The following GCNT1 variants were observed in gnomAD, a reference collection of about 807,000 sequenced individuals.
The protein encoded by GCNT1 is glucosaminyl (N-acetyl) transferase 1.
In GCNT1, 16 loss-of-function variants were observed where a neutral mutation model predicts 26.2. The observed-to-expected ratio is 0.61, with a 90% CI of 0.41 to 0.93. The LOEUF is 0.93. GCNT1 is among the 40% of genes least tolerant of loss of function. GCNT1 has a pLI of 0.00. For missense variants in GCNT1, 477 were observed against 526.7 expected, an observed-to-expected ratio of 0.91 and a Z score of 0.92; for synonymous variants, 183 against 190.8, an observed-to-expected ratio of 0.96 and a Z score of 0.34.
chr9:76,503,207 CCT>C lies in GCNT1; in HGVS notation c.828_829del (p.Pro277ThrfsTer16). The part of the protein sequence containing the change: ...LTNTGTVKML[P>X]PLETPLFSGS... ...AAACACAGGGACTGTCAAAATGCTT[CCT>C]CCACTCGAAACACCTCTCTTTTCTG... On this transcript the variant is annotated frameshift_variant, in exon 4 of 4. Transcript: ENST00000376730. LOFTEE classifies it high-confidence loss of function. The C allele has an allele frequency of 6.2e-7, 1 of 1,614,134 alleles. No individual in the cohort carries two copies. Among genetic ancestry groups the C allele is most frequent in the Non-Finnish European group, 8.5e-7 (1 of 1,179,990 alleles).
intron 2 of GCNT1, among the ~76,000 whole-genome samples, chr9:76,490,852 T>C (rs1463295506): frequency 6.6e-6 from 1 of 152,258 alleles, no homozygotes; most frequent in African/African-American, 2.4e-5. Context: ...CTTTGTATGA[T>C]AATTAGTTAA....
At chr9:76,398,724 A>G in the GCNT1 span, 15 of 1,311,726 alleles carry the variant, frequency 1.1e-5, no homozygotes, top group Admixed American at 1.7e-5. Flanking sequence ...GATGTCCTGC[A>G]AATGAAGGAG....
In GCNT1 at chr9:76,423,753, A is replaced by G. The variant is rs183230146; in HGVS notation, n.38+3866A>G. ...TTCTAGGAATAATATAAGCTATGAC[A>G]TAGTTTGATGAAATCCATAGAAGTG... On this transcript the variant is annotated intron_variant and non_coding_transcript_variant, in intron 1 of 3. Transcript: ENST00000488136. Among the ~76,000 whole-genome samples, 7 of 152,378 alleles carry G rather than the reference A, an allele frequency of 4.6e-5. No individual in the cohort carries two copies. The East Asian group carries it at 1.2e-3, about 25-fold the overall frequency.
intron 2 of GCNT1, among the ~76,000 whole-genome samples, chr9:76,475,372 G>A (rs1435387187): frequency 6.6e-6 from 1 of 152,152 alleles, no homozygotes; most frequent in East Asian, 1.9e-4. Context: ...AAGAGAATCT[G>A]TAACATTCAT....
In GCNT1 at chr9:76,502,308, C is replaced by T. The variant is rs943071991; in HGVS notation, c.-74C>T. ...AAACTGACAACCTTCAAGGCCACGA[C>T]GGAGGGAAAATCATTGGTGCTTGGA... On this transcript the variant is annotated 5_prime_UTR_variant, in exon 4 of 4. In the 5' UTR this introduces an upstream ATG that the reference lacks. Transcript: ENST00000376730. 9.2e-5 allele frequency: 96 copies of T among 1,047,732 alleles called. No individual in the cohort carries two copies. Among genetic ancestry groups the T allele is most frequent in the Non-Finnish European group, 1.2e-4 (83 of 707,212 alleles). The allele number at this position is 1,047,732 out of a possible 1,614,324, so 64.9% of individuals were successfully genotyped here.
intron 2 of GCNT1, among the ~76,000 whole-genome samples, chr9:76,465,252 A>C (rs1048543545): frequency 6.6e-6 from 1 of 151,062 alleles, no homozygotes; most frequent in African/African-American, 2.4e-5. Flanking sequence ...CTCTGCCCCA[A>C]GTAGCTGGAA....
intron 1 of GCNT1, among the ~76,000 whole-genome samples, chr9:76,442,980 A>C (rs1438540680): frequency 6.6e-6 from 1 of 152,132 alleles, no homozygotes; most frequent in African/African-American, 2.4e-5. Context: ...CATGAGAGGA[A>C]GCAGGAGATG....
chr9:76,466,325 A>G (rs1823993459), intron 2 of GCNT1, among the ~76,000 whole-genome samples: 1 of 152,204 alleles, frequency 6.6e-6, no homozygotes, highest in Admixed American at 6.5e-5. Flanking sequence ...TGTTTTTGAC[A>G]GGATCTCTCT....
chr9:76,486,718 A>G (rs1824586173), intron 2 of GCNT1, among the ~76,000 whole-genome samples: 1 of 152,340 alleles, frequency 6.6e-6, no homozygotes, highest in African/African-American at 2.4e-5. Flanking sequence ...GCTTTTAGAT[A>G]TCTTCAGTTC....
intron 2 of GCNT1, among the ~76,000 whole-genome samples, chr9:76,467,106 G>C (rs889225905): frequency 2.0e-5 from 3 of 151,366 alleles, no homozygotes; most frequent in Admixed American, 6.6e-5. Context: ...GCAGTGGCAC[G>C]ATCTCAGCTC....
intron 1 of GCNT1, among the ~76,000 whole-genome samples, chr9:76,452,222 G>C (rs1254807559): frequency 1.3e-5 from 2 of 151,950 alleles, no homozygotes; most frequent in Non-Finnish European, 2.9e-5. Context: ...ACCCACCTTG[G>C]CCTCCCAAAG....
chr9:76,411,697 C>T, the GCNT1 span, among the ~76,000 whole-genome samples: 3 of 83,654 alleles, frequency 3.6e-5, no homozygotes, highest in African/African-American at 1.5e-4. Context: ...ATCAATTATA[C>T]TTTTTTTTTT....
At chr9:76,434,186 C>T (rs1414882883) in intron 1 of GCNT1, among the ~76,000 whole-genome samples, 3 of 152,090 alleles carry the variant, frequency 2.0e-5, no homozygotes, top group Non-Finnish European at 2.9e-5. Flanking sequence ...TTAAGGATTT[C>T]GAGTATCCAC....
At chr9:76,431,848 G>T (rs1490484433) in intron 1 of GCNT1, among the ~76,000 whole-genome samples, 2 of 152,166 alleles carry the variant, frequency 1.3e-5, no homozygotes, top group African/African-American at 4.8e-5. Flanking sequence ...GTTGGCTCAT[G>T]CCTGTAATTC....
intron 1 of GCNT1, among the ~76,000 whole-genome samples, chr9:76,425,655 G>T (rs1316083723): frequency 1.1e-4 from 17 of 152,230 alleles, no homozygotes; most frequent in Non-Finnish European, 2.4e-4. Flanking sequence ...TTGTAACACA[G>T]AAAGAGTTTA....
At chr9:76,492,330 G>A (rs935018687) in intron 2 of GCNT1, among the ~76,000 whole-genome samples, 1 of 152,084 alleles carries the variant, frequency 6.6e-6, no homozygotes, top group Admixed American at 6.5e-5. Flanking sequence ...GGACTTTCAG[G>A]CATAACAAGA....
chr9:76,413,947 C>G, the GCNT1 span, among the ~76,000 whole-genome samples: 1 of 152,196 alleles, frequency 6.6e-6, no homozygotes, highest in African/African-American at 2.4e-5. Context: ...TTGACACATT[C>G]TCAAGATCAG....
At chr9:76,430,379 G>T (rs1823320196) in intron 1 of GCNT1, among the ~76,000 whole-genome samples, 1 of 151,818 alleles carries the variant, frequency 6.6e-6, no homozygotes, top group East Asian at 1.9e-4. Context: ...CATAATTATT[G>T]ACAGAACACT....
intron 1 of GCNT1, among the ~76,000 whole-genome samples, chr9:76,421,688 T>A (rs962403667): frequency 5.8e-5 from 5 of 85,636 alleles, no homozygotes; most frequent in African/African-American, 1.9e-4. Context: ...GTTTGTAGGT[T>A]GTTTTTTTTT....
Sources: allele counts gnomAD v4.1 joint callset (sites outside exome capture counted in the v4.1 genomes callset), GRCh38; gene constraint gnomAD v4.1.1; transcripts MANE v1.5; gene names NCBI Gene and HGNC (gene_info 2026-07-23, HGNC 2026-07-21).